Variants in ADGRB1 observed in about 807,000 individuals in gnomAD.
ADGRB1 encodes adhesion G protein-coupled receptor B1.
In ADGRB1, 36 loss-of-function variants were observed where a neutral mutation model predicts 175.7. The ratio of observed to expected loss-of-function variants is 0.20; its 90% confidence interval spans 0.16 to 0.27. The LOEUF (loss-of-function observed/expected upper bound fraction) is 0.27. ADGRB1 is among the 10% of genes least tolerant of loss of function. The probability of loss-of-function intolerance (pLI) is 1.00; values close to 1 mark genes in which losing one functional copy is unlikely to be tolerated. For missense variants in ADGRB1, 1,731 were observed against 2,255.3 expected, an observed-to-expected ratio of 0.77 and a Z score of 4.71; for synonymous variants, 1,054 against 979.4, an observed-to-expected ratio of 1.08 and a Z score of -1.42.
intron 17 of ADGRB1, among the ~76,000 whole-genome samples, chr8:142,501,836 G>A (rs56389966): frequency 5.1e-5 from 3 of 58,272 alleles, no homozygotes; most frequent in South Asian, 9.4e-4. Context: ...TGGGGTGGTG[G>A]TATTGATGTT....
Position 142,528,241 on chromosome 8 carries a change from G to A in ADGRB1, c.3398+1614G>A, listed in dbSNP as rs1171472441. ...CGGAAAGGGGACTGGAAGGCGCAGCGGCCTCCCTCTGGGAATTTTGCCGCT... is the reference window on the plus strand; with the variant it reads ...CGGAAAGGGGACTGGAAGGCGCAGCAGCCTCCCTCTGGGAATTTTGCCGCT... On this transcript the variant is annotated intron_variant, in intron 24 of 30. Coordinates refer to ENST00000517894, the MANE Select transcript of ADGRB1 (RefSeq NM_001702.3). Among the ~76,000 whole-genome samples, 6 of 152,342 alleles carry A rather than the reference G, an allele frequency of 3.9e-5. No individual in the cohort carries two copies. In the East Asian group the frequency reaches 7.7e-4, roughly 20 times the overall value.
chr8:142,530,866 C>A (rs561339027), intron 24 of ADGRB1, among the ~76,000 whole-genome samples: 4 of 152,230 alleles, frequency 2.6e-5, no homozygotes, highest in African/African-American at 7.2e-5. Context: ...CTGGGCACTC[C>A]TGGCCTCCCC....
intron 1 of ADGRB1, among the ~76,000 whole-genome samples, chr8:142,454,141 G>C (rs866373450): frequency 1.3e-5 from 2 of 152,290 alleles, no homozygotes; most frequent in South Asian, 4.1e-4. Context: ...TGGGCCGCCA[G>C]GTCATAGGGC....
rs2132032824 is a variant in ADGRB1, at chr8:142,510,078, CGGAGGAGGAAGA to C, written c.2676-845_2676-834del. Among the ~76,000 whole-genome samples, 1 of 150,198 alleles carries C rather than the reference CGGAGGAGGAAGA, an allele frequency of 6.7e-6. No individual in the cohort carries two copies. The highest frequency in any genetic ancestry group is 2.5e-5 in the African/African-American group (1 of 40,694). On this transcript the variant is annotated intron_variant, in intron 17 of 30. Coordinates refer to ENST00000517894, the MANE Select transcript of ADGRB1 (RefSeq NM_001702.3). The surrounding 1 kb of genome is among the most constrained non-coding windows in gnomAD (Gnocchi z 6.3). ...AAGCAGGAGGAGGAGGAAGAGGAGGCGGAGGAGGAAGAGGAGGAGGTGGAGGAGGAAGAACAG... is the reference window on the plus strand; with the variant it reads ...AAGCAGGAGGAGGAGGAAGAGGAGGCGGAGGAGGTGGAGGAGGAAGAACAG...
intron 1 of ADGRB1, among the ~76,000 whole-genome samples, chr8:142,457,138 T>C (rs1220908563): frequency 1.3e-5 from 2 of 152,184 alleles, no homozygotes; most frequent in Admixed American, 1.3e-4. Context: ...GTTGGAAAGC[T>C]GGCCTCTGAC....
At chr8:142,499,914 C>T (rs756714183) in intron 17 of ADGRB1, among the ~76,000 whole-genome samples, 56 of 4,012 alleles carry the variant, frequency 0.014, no homozygotes, top group South Asian at 0.02. Flanking sequence ...TCACAGCAGG[C>T]TTATGGGTTG....
rs1013967550 is a variant in ADGRB1, at chr8:142,542,218, G to A, written c.3984G>A (p.Lys1328=). 1.2e-6 allele frequency: 2 copies of A among 1,613,558 alleles called. No individual in the cohort carries two copies. The highest frequency in any genetic ancestry group is 1.7e-6 in the Non-Finnish European group (2 of 1,179,850). Residue 1328 remains lysine, a synonymous_variant, in exon 28 of 31, where the codon AAG becomes AAA. Coordinates refer to ENST00000517894, the MANE Select transcript of ADGRB1 (RefSeq NM_001702.3). The surrounding 1 kb of genome is among the most constrained non-coding windows in gnomAD (Gnocchi z 6.3). ...SFVGDGDIFK[K]LDSELSRAQE... ...TCGGTGACGGGGACATCTTCAAGAA[G>A]CTGGACTCGGAGCTGAGCCGGGCCC... is the stretch of plus-strand genomic sequence containing the variant.
chr8:142,528,449 T>A (rs1384081065), intron 24 of ADGRB1, among the ~76,000 whole-genome samples: 1 of 152,210 alleles, frequency 6.6e-6, no homozygotes, highest in African/African-American at 2.4e-5. Context: ...GCTGGACTCC[T>A]GAGGGGCTGG....
chr8:142,465,283 C>T (rs1587259472), intron 2 of ADGRB1, among the ~76,000 whole-genome samples: 1 of 152,220 alleles, frequency 6.6e-6, no homozygotes, highest in Admixed American at 6.5e-5. Context: ...ACGGCGGGTG[C>T]TGGTTGAGCA....
intron 24 of ADGRB1, among the ~76,000 whole-genome samples, chr8:142,532,759 G>A (rs539642976): frequency 1.3e-5 from 2 of 152,112 alleles, no homozygotes; most frequent in African/African-American, 4.8e-5. Context: ...TGGACCCCTC[G>A]CCTGGGGCCT....
At chr8:142,489,528 C>T in intron 16 of ADGRB1, 90 bp downstream of exon 16, 2 of 1,380,326 alleles carry the variant, frequency 1.4e-6, no homozygotes, top group Non-Finnish European at 2.0e-6. Context: ...GCCTTTGGGG[C>T]CTCCTCACAA....
intron 17 of ADGRB1, among the ~76,000 whole-genome samples, chr8:142,501,376 GTTGTGTGGTTTTGA>G: frequency 6.6e-6 from 1 of 151,262 alleles, no homozygotes; most frequent in African/African-American, 2.4e-5. Context: ...GGTAGTGATG[GTTGTGTGGTTTTGA>G]TGATGGAGGT....
intron 17 of ADGRB1, among the ~76,000 whole-genome samples, chr8:142,509,426 G>C (rs928952475): frequency 2.0e-5 from 3 of 152,228 alleles, no homozygotes; most frequent in African/African-American, 7.2e-5. Flanking sequence ...GCGGCTTTTC[G>C]TGTGGGGTCA....
In ADGRB1 at chr8:142,493,812, C is replaced by G. The variant is rs1842092205; in HGVS notation, c.2675+2997C>G. The stretch of plus-strand genomic sequence containing the variant: ...AAGGACTGGGACTGACCTCGGTCCC[C>G]TTCCTTCTGCCCCTCACCTCCCCTC... On this transcript the variant is annotated intron_variant, in intron 17 of 30. Coordinates refer to ENST00000517894, the MANE Select transcript of ADGRB1 (RefSeq NM_001702.3). This position sits in a 1 kb window ranked among gnomAD's most constrained non-coding sequence, Gnocchi z 5.0. 6.6e-6 allele frequency among the ~76,000 whole-genome samples: 1 copy of G among 152,226 alleles called. No homozygotes were observed. Among genetic ancestry groups the G allele is most frequent in the African/African-American group, 2.4e-5 (1 of 41,460 alleles).
intron 1 of ADGRB1, among the ~76,000 whole-genome samples, chr8:142,453,038 CCGCCCGCT>C (rs1447458002): frequency 5.0e-5 from 6 of 119,898 alleles, no homozygotes; most frequent in East Asian, 2.9e-4. Context: ...GCCCGCCCGC[CCGCCCGCT>C]CGCTCGCTCG....
At chr8:142,532,677 C>A (rs1844694015) in intron 24 of ADGRB1, among the ~76,000 whole-genome samples, 1 of 152,146 alleles carries the variant, frequency 6.6e-6, no homozygotes, top group Admixed American at 6.5e-5. Context: ...GCTTCTCTCT[C>A]TCCAGGTCTC....
At chr8:142,521,563 G>A (rs1285194576) in intron 20 of ADGRB1, among the ~76,000 whole-genome samples, 1 of 152,272 alleles carries the variant, frequency 6.6e-6, no homozygotes, top group Non-Finnish European at 1.5e-5. Context: ...TGCTGTGGCA[G>A]AAGCTCAGGG....
chr8:142,459,554 C>T (rs1839861339), intron 1 of ADGRB1, among the ~76,000 whole-genome samples: 1 of 152,248 alleles, frequency 6.6e-6, no homozygotes, highest in Non-Finnish European at 1.5e-5. Flanking sequence ...GTCTCTGTCC[C>T]CGCTGCCCTC....
chr8:142,452,030 G>C (rs904524320), intron 1 of ADGRB1, among the ~76,000 whole-genome samples: 6 of 152,174 alleles, frequency 3.9e-5, no homozygotes, highest in Non-Finnish European at 7.4e-5. Context: ...GCCTTGGAAG[G>C]GGGTGTGCGC....
Sources: gnomAD v4.1 joint callset for allele counts (sites outside exome capture counted in the v4.1 genomes callset) on GRCh38, gnomAD v4.1.1 for gene constraint, Gnocchi (gnomAD v3.1) non-coding constraint, MANE v1.5 for transcripts, NCBI Gene and HGNC (gene_info 2026-07-23, HGNC 2026-07-21) for gene names.